Variants in CHCHD7 observed in about 807,000 individuals in gnomAD.
CHCHD7 encodes the protein coiled-coil-helix-coiled-coil-helix domain-containing protein 7.
A neutral mutation model predicts 10.5 loss-of-function variants in CHCHD7; 7 were observed. That is an observed-to-expected ratio of 0.67 (90% CI 0.38 to 1.25). The LOEUF (loss-of-function observed/expected upper bound fraction) is 1.25. Among genes scored for constraint, CHCHD7 ranks in the 50% most tolerant of loss-of-function variants. The pLI is 0.02. For synonymous variants in CHCHD7, 40 were observed against 36.0 expected (o/e 1.11, Z -0.40); for missense variants, 100 against 104.5 (o/e 0.96, Z 0.19).
rs762465349 is a variant in CHCHD7, at chr8:56,214,601, G to T, written c.-13G>T. On this transcript the variant is annotated 5_prime_UTR_variant, in exon 2 of 4. Transcript: ENST00000355315. ...TTTTTTTTCTGTCTACCCTCAGTAA[G>T]AAGACTGTTAGAATGCCCTCGGTAA... 3.7e-6 allele frequency: 6 copies of T among 1,611,470 alleles called. No homozygotes were observed. The highest frequency in any genetic ancestry group is 5.1e-6 in the Non-Finnish European group (6 of 1,177,922).
intron 1 of CHCHD7, chr8:56,212,706 T>G: frequency 1.6e-6 from 1 of 622,478 alleles, no homozygotes; most frequent in Non-Finnish European, 2.9e-6. Context: ...GAGCACTCGA[T>G]GTTGTAATTC....
intron 2 of CHCHD7, 105 bp downstream of exon 2, chr8:56,214,772 C>T (rs1413926218): frequency 5.1e-6 from 4 of 783,462 alleles, no homozygotes; most frequent in Admixed American, 2.4e-5. Context: ...AGTTATTTCT[C>T]TAGAAAAAAT....
intron 1 of CHCHD7, chr8:56,212,663 A>G: frequency 3.5e-6 from 2 of 563,674 alleles, no homozygotes; most frequent in Non-Finnish European, 6.4e-6. Flanking sequence ...TATTTAGTAC[A>G]TTCAAAAAGT....
rs886277742 is a variant in CHCHD7 at position 56,212,868 on chromosome 8, T to A, written c.-17+1031T>A. The A allele has an allele frequency of 4.3e-6, 7 of 1,609,230 alleles. No homozygotes were observed. The East Asian group carries it at 1.1e-4, about 26-fold the overall frequency. On this transcript the variant is annotated intron_variant, in intron 1 of 3. Transcript: ENST00000355315. ...AAAAGGAAATGAAATGTGAAGAAAC[T>A]CATGCACCAAACTCGAACTGGGTAT...
chr8:56,214,375 G>A, intron 1 of CHCHD7: 1 of 371,666 alleles, frequency 2.7e-6, no homozygotes. Context: ...CCAGCCAGTA[G>A]ATGCATTTCA....
Position 56,214,538 on chromosome 8 carries a change from A to T in CHCHD7, c.-16-60A>T, listed in dbSNP as rs1163467391. On this transcript the variant is annotated intron_variant, in intron 1 of 3. Coordinates refer to ENST00000355315, the MANE Select transcript of CHCHD7 (RefSeq NM_001011671.3). ...TTCAGGTACTTTTAGTGCTATTGAG[A>T]TGTATTGATTTATTTTCTGTCAACT... 15 of 1,251,498 alleles carry T rather than the reference A, an allele frequency of 1.2e-5. No homozygotes were observed. In the African/African-American group the frequency reaches 1.9e-4, roughly 16 times the overall value. The allele number at this position is 1,251,498 out of a possible 1,614,324, so 77.5% of individuals were successfully genotyped here. A position where few individuals can be genotyped will look rare whatever the true frequency, so the allele number is the denominator to read the frequency against.
intron 2 of CHCHD7, chr8:56,215,105 A>G (rs755207367): frequency 1.9e-5 from 3 of 155,542 alleles, no homozygotes; most frequent in Non-Finnish European, 4.3e-5. Flanking sequence ...TCACAAAGGT[A>G]TCTGATAAAC....
At chr8:56,215,387 C>T (rs1356437295) in intron 2 of CHCHD7, 1 of 152,148 alleles carries the variant, frequency 6.6e-6, no homozygotes. Flanking sequence ...TCTGTGTTCC[C>T]CAACCTTTTG....
At chr8:56,216,378 T>C in intron 2 of CHCHD7, 55 bp from the exon 3 acceptor site, 1 of 1,600,086 alleles carries the variant, frequency 6.2e-7, no homozygotes, top group Non-Finnish European at 8.5e-7. Flanking sequence ...TGTTTGTTTG[T>C]TTGCTTTTAG....
intron 2 of CHCHD7, chr8:56,214,879 A>G (rs1813251801): frequency 4.5e-6 from 2 of 441,158 alleles, no homozygotes; most frequent in Non-Finnish European, 8.2e-6. Context: ...CCTTATTTGT[A>G]TAATATGCAA....
Position 56,217,568 on chromosome 8 carries a change from C to T in CHCHD7, c.*133C>T. Reference sequence around the variant, plus strand: ...GTTCTTCAAGTGGAGACAGTGAAGTCACCCCGTGTCCTTTTTGCTTGCTCT... The same window carrying T: ...GTTCTTCAAGTGGAGACAGTGAAGTTACCCCGTGTCCTTTTTGCTTGCTCT... On this transcript the variant is annotated 3_prime_UTR_variant, in exon 4 of 4. Transcript: ENST00000355315. 1.8e-6 allele frequency: 1 copy of T among 569,792 alleles called. No homozygotes were observed. The highest frequency in any genetic ancestry group is 3.1e-6 in the Non-Finnish European group (1 of 323,908). The allele number at this position is 569,792 out of a possible 1,614,324, so 35.3% of individuals were successfully genotyped here.
At chr8:56,216,732 A>T (rs62515433) in intron 3 of CHCHD7, 137,256 of 710,038 alleles carry the variant, frequency 0.19, 14,972 homozygotes, top group Non-Finnish European at 0.23. Flanking sequence ...CCTCTAAGCT[A>T]TAAGAATGCA....
Position 56,217,324 on chromosome 8 carries a change from T to C in CHCHD7, c.154-7T>C. On this transcript the variant is annotated splice_polypyrimidine_tract_variant and splice_region_variant and intron_variant, in intron 3 of 3. Coordinates refer to ENST00000355315, the MANE Select transcript of CHCHD7 (RefSeq NM_001011671.3). ...TTCTTCTTTTTTATTTTAATGCCTGTACACAGAATTCTATCGTGATGCAGA... is the reference window on the plus strand; with the variant it reads ...TTCTTCTTTTTTATTTTAATGCCTGCACACAGAATTCTATCGTGATGCAGA... 6.4e-7 allele frequency: 1 copy of C among 1,571,170 alleles called. No homozygotes were observed. The highest frequency in any genetic ancestry group is 8.8e-7 in the Non-Finnish European group (1 of 1,141,900).
Position 56,217,532 on chromosome 8 carries a change from A to C in CHCHD7, c.*97A>C, listed in dbSNP as rs991170973. 7.2e-5 allele frequency: 53 copies of C among 736,242 alleles called. No homozygotes were observed. The highest frequency in any genetic ancestry group is 1.1e-4 in the Non-Finnish European group (49 of 445,144). 45.6% of individuals were successfully genotyped at this position (736,242 alleles called of 1,614,324 possible). ...TTAAGACTGTACACCCCTCACCCAG[A>C]CAGACCTTAAGTTCTTCAAGTGGAG... On this transcript the variant is annotated 3_prime_UTR_variant, in exon 4 of 4. Transcript: ENST00000355315.
intron 1 of CHCHD7, chr8:56,214,358 A>T: frequency 3.0e-6 from 1 of 328,222 alleles, no homozygotes; most frequent in Non-Finnish European, 5.7e-6. Context: ...GGCGTGAGAC[A>T]CCGCACCCAG....
Position 56,213,004 on chromosome 8 carries a change from G to C in CHCHD7, c.-17+1167G>C, listed in dbSNP as rs951321983. 25 of 721,216 alleles carry C rather than the reference G, an allele frequency of 3.5e-5. No homozygotes were observed. The East Asian group carries it at 6.3e-4, about 18-fold the overall frequency. The allele number at this position is 721,216 out of a possible 1,614,324, so 44.7% of individuals were successfully genotyped here. A position where few individuals can be genotyped will look rare whatever the true frequency, so the allele number is the denominator to read the frequency against. ...ACTTAAATTTAATGCAAGGTTGTCT[G>C]ATCCTTGTTGAGATTATTAAATCTA... On this transcript the variant is annotated intron_variant, in intron 1 of 3. Transcript: ENST00000355315.
chr8:56,218,704 A>G lies in CHCHD7; in HGVS notation c.*1269A>G, dbSNP rs958024913. 1.0e-5 allele frequency: 2 copies of G among 200,248 alleles called. No individual in the cohort carries two copies. Among genetic ancestry groups the G allele is most frequent in the Non-Finnish European group, 2.1e-5 (2 of 97,288 alleles). The allele number at this position is 200,248 out of a possible 1,614,324, so 12.4% of individuals were successfully genotyped here. A position where few individuals can be genotyped will look rare whatever the true frequency, so the allele number is the denominator to read the frequency against. ...ATGAATGCCTACCTGTGTAAGAAGT[A>G]TTTTTGTATTTTTAAGCACACTTGT... On this transcript the variant is annotated 3_prime_UTR_variant, in exon 4 of 4. Coordinates refer to ENST00000355315, the MANE Select transcript of CHCHD7 (RefSeq NM_001011671.3).
chr8:56,216,526 T>C lies in CHCHD7; in HGVS notation c.148T>C (p.Phe50Leu), dbSNP rs375072891. 60 of 1,614,082 alleles carry C rather than the reference T, an allele frequency of 3.7e-5. No individual in the cohort carries two copies. Among genetic ancestry groups the C allele is most frequent in the Non-Finnish European group, 4.7e-5 (56 of 1,180,042 alleles). Residue 50 changes from phenylalanine (F) to leucine (L), a missense_variant, in exon 3 of 4, where the codon TTC becomes CTC. Transcript: ENST00000355315. ...YFLRYKNCRR[F>L]WNSIVMQRRK... The stretch of plus-strand genomic sequence containing the variant: ...CTTGAGGTACAAAAACTGCCGGAGA[T>C]TCTGGGTAAGCCTAGATTGGTTAGC...
At chr8:56,216,368 T>A in intron 2 of CHCHD7, 65 bp from the exon 3 acceptor site, 1 of 1,596,192 alleles carries the variant, frequency 6.3e-7, no homozygotes, top group South Asian at 1.1e-5. Context: ...AGCTTTTGTT[T>A]GTTTGTTTGT....
Sources: gnomAD v4.1 joint callset for allele counts on GRCh38, gnomAD v4.1.1 for gene constraint, MANE v1.5 for transcripts, NCBI Gene and HGNC (gene_info 2026-07-23, HGNC 2026-07-21) for gene names.